The following APAF1 variants were observed in gnomAD, a reference collection of about 807,000 sequenced individuals.
APAF1 encodes the protein apoptotic protease-activating factor 1.
APAF1 carries 91 observed loss-of-function variants against 152.4 expected under a neutral mutation model. The ratio of observed to expected loss-of-function variants is 0.60; its 90% confidence interval spans 0.50 to 0.71. APAF1 has a LOEUF of 0.71. APAF1 is among the 30% of genes least tolerant of loss of function. The pLI, the probability that APAF1 is intolerant of heterozygous loss-of-function variation, is 0.00. For missense variants in APAF1, 1,283 were observed against 1,472.0 expected, an observed-to-expected ratio of 0.87 and a Z score of 2.10; for synonymous variants, 484 against 494.1, an observed-to-expected ratio of 0.98 and a Z score of 0.27.
chr12:98,683,798 G>A (rs2097694998), intron 15 of APAF1, among the ~76,000 whole-genome samples: 1 of 152,238 alleles, frequency 6.6e-6, no homozygotes, highest in African/African-American at 2.4e-5. Flanking sequence ...TGGGACAAAT[G>A]AGTGAGGTCA....
chr12:98,712,662 G>T, intron 21 of APAF1: 1 of 494,358 alleles, frequency 2.0e-6, no homozygotes, highest in Non-Finnish European at 3.6e-6. Flanking sequence ...GACTAAAGGT[G>T]TACGTCACCA....
chr12:98,694,493 C>G (rs531476362), intron 16 of APAF1, among the ~76,000 whole-genome samples: 1 of 152,100 alleles, frequency 6.6e-6, no homozygotes, highest in East Asian at 1.9e-4. Flanking sequence ...ATTTGCCCTA[C>G]TTTTTGAAAG....
At chr12:98,722,905 G>GT (rs527747561) in intron 22 of APAF1, among the ~76,000 whole-genome samples, 5,466 of 146,510 alleles carry the variant, frequency 0.037, 254 homozygotes, top group African/African-American at 0.11. Context: ...CATATTGTGT[G>GT]TTTTTTTTTT....
At chr12:98,704,511 G>A (rs563630126) in intron 18 of APAF1, among the ~76,000 whole-genome samples, 2 of 152,212 alleles carry the variant, frequency 1.3e-5, no homozygotes, top group Non-Finnish European at 2.9e-5. Flanking sequence ...GCCCATTACT[G>A]TGAAGGTGTT....
chr12:98,723,089 A>T, intron 22 of APAF1, 104 bp from the exon 23 acceptor site: 5 of 1,190,746 alleles, frequency 4.2e-6, no homozygotes, highest in Non-Finnish European at 6.2e-6. Context: ...CTGAAATGCC[A>T]TGTGAGTAAA....
intron 20 of APAF1, among the ~76,000 whole-genome samples, chr12:98,709,474 G>A (rs11836984): frequency 0.024 from 3,646 of 152,262 alleles, 134 homozygotes; most frequent in African/African-American, 0.081. Flanking sequence ...AAGGAGCACT[G>A]GAATTCAAGA....
intron 12 of APAF1, among the ~76,000 whole-genome samples, chr12:98,674,439 G>GTCTCTC (rs34546993): frequency 6.7e-5 from 10 of 149,266 alleles, no homozygotes; most frequent in South Asian, 2.1e-4. Context: ...TGAAGTGGAG[G>GTCTCTC]TCTCTCTCTC....
chr12:98,709,303 A>G (rs1473486277), intron 20 of APAF1, among the ~76,000 whole-genome samples: 2 of 152,184 alleles, frequency 1.3e-5, no homozygotes, highest in African/African-American at 4.8e-5. Context: ...GCACTACTCT[A>G]GTCTGTTCTC....
At chr12:98,669,921 C>T (rs1435631223) in intron 10 of APAF1, among the ~76,000 whole-genome samples, 1 of 139,572 alleles carries the variant, frequency 7.2e-6, no homozygotes, top group Non-Finnish European at 1.5e-5. Flanking sequence ...TTCCTGCCCT[C>T]CCCTCTTCCT....
Position 98,648,653 on chromosome 12 carries a change from C to G in APAF1, c.166C>G (p.Leu56Val). ...CACTCAACAGCAAAGAGCAGCTATG[C>G]TGATTAAAATGATACTTAAAAAAGA... ...EPTQQQRAAMLIKMILKKDND... is the reference protein window; with the variant it reads ...EPTQQQRAAMVIKMILKKDND... The change falls in exon 3 of 27, where the codon CTG becomes GTG. Residue 56 changes from leucine (L) to valine (V), a missense_variant. By Grantham distance (32) the Leu-to-Val change is conservative. Coordinates refer to ENST00000551964, the MANE Select transcript of APAF1 (RefSeq NM_181861.2). 6.2e-7 allele frequency: 1 copy of G among 1,613,748 alleles called. No homozygotes were observed. The highest frequency in any genetic ancestry group is 8.5e-7 in the Non-Finnish European group (1 of 1,179,928).
chr12:98,688,382 C>A (rs2097700231), intron 16 of APAF1, among the ~76,000 whole-genome samples: 1 of 152,118 alleles, frequency 6.6e-6, no homozygotes, highest in Non-Finnish European at 1.5e-5. Flanking sequence ...TCTGCTCATG[C>A]CTGATAGCAA....
intron 12 of APAF1, among the ~76,000 whole-genome samples, chr12:98,672,343 T>C (rs1411780977): frequency 6.6e-6 from 1 of 151,992 alleles, no homozygotes; most frequent in African/African-American, 2.4e-5. Flanking sequence ...TTTTATATTT[T>C]TAATGGAGAT....
chr12:98,653,691 A>T (rs11109559), intron 4 of APAF1, among the ~76,000 whole-genome samples: 470 of 14,618 alleles, frequency 0.032, 9 homozygotes, highest in Non-Finnish European at 0.04. Context: ...AAAAAAAAAA[A>T]ATATATATAT....
chr12:98,680,439 C>T (rs1245611608), intron 14 of APAF1, 37 bp downstream of exon 14: 5 of 1,603,506 alleles, frequency 3.1e-6, no homozygotes, highest in South Asian at 1.1e-5. Flanking sequence ...GTAATCACAA[C>T]AGAATTCATT....
intron 7 of APAF1, among the ~76,000 whole-genome samples, chr12:98,664,942 C>T (rs1220312182): frequency 6.6e-6 from 1 of 151,874 alleles, no homozygotes; most frequent in Non-Finnish European, 1.5e-5. Context: ...TTTATTCAAC[C>T]ACTTCTGTAT....
intron 22 of APAF1, among the ~76,000 whole-genome samples, chr12:98,718,118 G>T (rs559990173): frequency 6.4e-4 from 98 of 152,064 alleles, no homozygotes; most frequent in Non-Finnish European, 1.2e-3. Flanking sequence ...AGTTGTGCTG[G>T]TGCCCTTAAA....
At chr12:98,706,737 C>G in intron 19 of APAF1, 127 bp downstream of exon 19, 9 of 1,118,128 alleles carry the variant, frequency 8.0e-6, no homozygotes, top group Non-Finnish European at 1.1e-5. Flanking sequence ...TTCCTATTCA[C>G]CCTGGAAAAG....
chr12:98,651,080 T>C (rs1393988033), intron 4 of APAF1, among the ~76,000 whole-genome samples: 1 of 152,222 alleles, frequency 6.6e-6, no homozygotes, highest in Non-Finnish European at 1.5e-5. Flanking sequence ...TTTTAACTAC[T>C]TTGTTTTGAG....
chr12:98,700,912 T>C (rs1277363470), intron 17 of APAF1, among the ~76,000 whole-genome samples: 2 of 152,348 alleles, frequency 1.3e-5, no homozygotes, highest in Admixed American at 6.5e-5. Flanking sequence ...GGTTCATTCA[T>C]GTTGTAGCAT....
Sources: allele counts gnomAD v4.1 joint callset (sites outside exome capture counted in the v4.1 genomes callset), GRCh38; gene constraint gnomAD v4.1.1; transcripts MANE v1.5; gene names NCBI Gene and HGNC (gene_info 2026-07-23, HGNC 2026-07-21).